The following DIAPH1 variants were observed in gnomAD, a reference collection of about 807,000 sequenced individuals.
DIAPH1 encodes the protein protein diaphanous homolog 1.
Under a neutral mutation model 140.7 loss-of-function variants are expected in DIAPH1, and 46 were observed. The observed-to-expected ratio is 0.33, with a 90% CI of 0.26 to 0.42. The LOEUF is 0.42. Ranked by LOEUF, DIAPH1 falls within the 10% of genes least tolerant of loss-of-function variation. DIAPH1 has a pLI of 1.00. For synonymous variants in DIAPH1, 565 were observed against 551.6 expected (o/e 1.02, Z -0.34); for missense variants, 1,310 against 1,558.7 (o/e 0.84, Z 2.69).
chr5:141,596,751 C>T (rs1255823882), intron 1 of DIAPH1, among the ~76,000 whole-genome samples: 2 of 152,192 alleles, frequency 1.3e-5, no homozygotes, highest in East Asian at 3.9e-4. Context: ...CAAATCCTAC[C>T]CACGCACCTA....
At chr5:141,570,702 T>C (rs975965882) in intron 18 of DIAPH1, among the ~76,000 whole-genome samples, 3 of 152,208 alleles carry the variant, frequency 2.0e-5, no homozygotes, top group Admixed American at 6.5e-5. Context: ...ACTAGGGTCA[T>C]AGTAAGCCTC....
In DIAPH1 at chr5:141,516,505, T is replaced by C. The variant is rs538580658; in HGVS notation, c.*346A>G. 2 of 369,280 alleles carry C rather than the reference T, an allele frequency of 5.4e-6. No individual in the cohort carries two copies. The highest frequency in any genetic ancestry group is 5.0e-5 in the South Asian group (2 of 39,928). The allele number at this position is 369,280 out of a possible 1,614,324, so 22.9% of individuals were successfully genotyped here. A position where few individuals can be genotyped will look rare whatever the true frequency, so the allele number is the denominator to read the frequency against. ...CTAGGGGGGAAAGCCCATTAGAAAG[T>C]CAGGGCTGAGAAAAAGCAGGCTGGG... On this transcript the variant is annotated 3_prime_UTR_variant, in exon 28 of 28. Coordinates refer to ENST00000389054, the MANE Select transcript of DIAPH1 (RefSeq NM_005219.5).
At chr5:141,523,920 C>T (rs551081722) in intron 27 of DIAPH1, among the ~76,000 whole-genome samples, 102 of 151,936 alleles carry the variant, frequency 6.7e-4, no homozygotes, top group African/African-American at 2.2e-3. Context: ...GGGAGAAATG[C>T]GGCATAATCC....
intron 27 of DIAPH1, among the ~76,000 whole-genome samples, chr5:141,521,862 G>A (rs2099886596): frequency 6.6e-6 from 1 of 151,996 alleles, no homozygotes; most frequent in South Asian, 2.1e-4. Flanking sequence ...TGTTGTCACT[G>A]CACAAAAAAA....
At chr5:141,586,977 A>C (rs2099897646) in intron 3 of DIAPH1, 65 bp downstream of exon 3, 1 of 1,577,184 alleles carries the variant, frequency 6.3e-7, no homozygotes, top group Admixed American at 1.7e-5. Flanking sequence ...ATTATGCACC[A>C]AAAAGAGCCC....
intron 18 of DIAPH1, among the ~76,000 whole-genome samples, chr5:141,567,105 C>T (rs1236493492): frequency 1.3e-5 from 2 of 152,040 alleles, no homozygotes; most frequent in African/African-American, 2.4e-5. Context: ...AGAACCTTAT[C>T]GCAATTAAAC....
intron 18 of DIAPH1, chr5:141,560,593 A>G (rs746235994): frequency 1.2e-5 from 2 of 170,584 alleles, no homozygotes; most frequent in South Asian, 1.1e-4. Context: ...ATAGGTATTC[A>G]TAATTTAAGA....
chr5:141,587,535 C>T, intron 2 of DIAPH1: 1 of 306,150 alleles, frequency 3.3e-6, no homozygotes. Flanking sequence ...AGAGTTCTAT[C>T]AATAAAATGC....
rs779977209 is a variant in DIAPH1, at chr5:141,516,593, G to C, written c.*258C>G. On this transcript the variant is annotated 3_prime_UTR_variant, in exon 28 of 28. Transcript: ENST00000389054. ...AGACAGGGTTAAGGCAGCAAACATGGACCCTGCTTTGGTAATACAACAGCC... is the reference window on the plus strand; with the variant it reads ...AGACAGGGTTAAGGCAGCAAACATGCACCCTGCTTTGGTAATACAACAGCC... 5.5e-6 allele frequency: 3 copies of C among 540,896 alleles called. No individual in the cohort carries two copies. The highest frequency in any genetic ancestry group is 1.0e-5 in the Non-Finnish European group (3 of 298,744). The allele number at this position is 540,896 out of a possible 1,614,324, so 33.5% of individuals were successfully genotyped here. A position where few individuals can be genotyped will look rare whatever the true frequency, so the allele number is the denominator to read the frequency against.
At chr5:141,591,821 C>T (rs1238719585) in intron 1 of DIAPH1, among the ~76,000 whole-genome samples, 8 of 149,234 alleles carry the variant, frequency 5.4e-5, no homozygotes, top group African/African-American at 1.5e-4. Context: ...CAGTGCCTCA[C>T]GCCTGTAATC....
At position 141,578,235 on chromosome 5, in the gene DIAPH1, T is replaced by A. The variant is rs771834583; in HGVS notation, c.1153A>T (p.Met385Leu). The change falls in exon 11 of 28, where the codon ATG becomes TTG. Residue 385 changes from methionine to leucine, a missense_variant. Around this residue, in one of 3 missense-constraint regions of DIAPH1, gnomAD observed 377 missense variants for 497.1 expected, o/e 0.76. Coordinates refer to ENST00000389054, the MANE Select transcript of DIAPH1 (RefSeq NM_005219.5). ...DLKGRLDDIR[M>L]EMDDFNEVFQ... is the part of the protein sequence containing the mutation. ...TCAGCAAAAGGATATTCCATCTCCA[T>A]GCGAATGTCATCCAGCCGTCCCTTC... is the stretch of plus-strand genomic sequence containing the variant. The A allele has an allele frequency of 6.2e-7, 1 of 1,613,098 alleles. No individual in the cohort carries two copies.
chr5:141,573,397 T>C (rs1596378000), intron 16 of DIAPH1, 95 bp downstream of exon 16: 1 of 1,442,348 alleles, frequency 6.9e-7, no homozygotes, highest in East Asian at 2.4e-5. Context: ...ATCGCACCAC[T>C]GCACTCCAGC....
rs1265713800 is a variant in DIAPH1, at chr5:141,580,929, T to C, written c.685-46A>G. ...GAAAGGAGGCTGAAAGACGAAAGCA[T>C]CTAACTGGGGGACAAGTTTACGGGT... On this transcript the variant is annotated intron_variant, in intron 7 of 27. Coordinates refer to ENST00000389054, the MANE Select transcript of DIAPH1 (RefSeq NM_005219.5). 9 of 1,613,650 alleles carry C rather than the reference T, an allele frequency of 5.6e-6. No individual in the cohort carries two copies. The South Asian group carries it at 9.9e-5, about 18-fold the overall frequency.
chr5:141,601,704 A>G (rs1457956462), intron 1 of DIAPH1, among the ~76,000 whole-genome samples: 1 of 152,246 alleles, frequency 6.6e-6, no homozygotes, highest in Non-Finnish European at 1.5e-5. Context: ...ATTTTAATAA[A>G]TAAATTTTAA....
chr5:141,595,782 G>A (rs2099899221), intron 1 of DIAPH1, among the ~76,000 whole-genome samples: 1 of 152,130 alleles, frequency 6.6e-6, no homozygotes, highest in Non-Finnish European at 1.5e-5. Flanking sequence ...TGTGAGAACG[G>A]ATTGATACAC....
Position 141,517,040 on chromosome 5 carries a change from G to A in DIAPH1, c.3662-32C>T, listed in dbSNP as rs376143083. 9 of 1,613,044 alleles carry A rather than the reference G, an allele frequency of 5.6e-6. No individual in the cohort carries two copies. The African/African-American group carries it at 1.2e-4, about 22-fold the overall frequency. On this transcript the variant is annotated intron_variant, in intron 27 of 27. Transcript: ENST00000389054. ...GAGAAGACGAGAGATTCTGTCTATGGAAGGCCTCATTTCTAATTTCTTTCA... is the reference window on the plus strand; with the variant it reads ...GAGAAGACGAGAGATTCTGTCTATGAAAGGCCTCATTTCTAATTTCTTTCA...
rs2099897669 is a variant in DIAPH1, at chr5:141,587,129, A to G, written c.213T>C (p.Ser71=). The G allele has an allele frequency of 1.9e-6, 3 of 1,614,074 alleles. No homozygotes were observed. The highest frequency in any genetic ancestry group is 3.3e-5 in the Admixed American group (2 of 60,010). Residue 71 remains serine (S), a synonymous_variant, in exon 3 of 28, where the codon TCT becomes TCC. Coordinates refer to ENST00000389054, the MANE Select transcript of DIAPH1 (RefSeq NM_005219.5). ...KEKPNSAHRN[S]SASYGDDPTA... ...TGGGATCATCCCCATATGATGCAGA[A>G]GAATTTCTATGAGCAGAATTGGGCT...
chr5:141,611,700 T>G (rs1043259938), intron 1 of DIAPH1, among the ~76,000 whole-genome samples: 2 of 152,260 alleles, frequency 1.3e-5, no homozygotes, highest in African/African-American at 4.8e-5. Context: ...CTTGAACAGA[T>G]TCTTAAGAAA....
intron 1 of DIAPH1, among the ~76,000 whole-genome samples, chr5:141,596,042 G>A (rs1005653779): frequency 6.6e-6 from 1 of 151,988 alleles, no homozygotes; most frequent in Non-Finnish European, 1.5e-5. Flanking sequence ...AAATCAGCCA[G>A]GCATGGGCCA....
Sources: gnomAD v4.1 joint callset for allele counts (sites outside exome capture counted in the v4.1 genomes callset) on GRCh38, gnomAD v4.1.1 for gene constraint, gnomAD v4.1.1 regional missense constraint, MANE v1.5 for transcripts, NCBI Gene and HGNC (gene_info 2026-07-23, HGNC 2026-07-21) for gene names.